Variants in FBXL15 observed in about 807,000 individuals in gnomAD.
The protein encoded by FBXL15 is F-box/LRR-repeat protein 15.
A neutral mutation model predicts 23.6 loss-of-function variants in FBXL15; 19 were observed. That is an observed-to-expected ratio of 0.81 (90% CI 0.56 to 1.18). The LOEUF (loss-of-function observed/expected upper bound fraction) is 1.18. FBXL15 is among the 50% of genes most tolerant of loss of function. The probability of loss-of-function intolerance (pLI) is 0.00; values close to 1 mark genes in which losing one functional copy is unlikely to be tolerated. For missense variants in FBXL15, 385 were observed against 425.4 expected (o/e 0.91, Z 0.83); for synonymous variants, 224 against 207.7 (o/e 1.08, Z -0.67).
At chr10:102,421,284 A>AT in intron 1 of FBXL15, 70 bp from the exon 2 acceptor site, 1 of 1,562,528 alleles carries the variant, frequency 6.4e-7, no homozygotes, top group African/African-American at 1.4e-5. Flanking sequence ...GGGCGCAGGA[A>AT]CATAACGGAG....
rs890658207 is a variant in FBXL15, at chr10:102,421,486, G to A, written c.186G>A (p.Leu62=). ...TGGTGCAGCTTCACCTGGCCGGGCT[G>A]CGTCGCTTCGATGCCGCGCAGGTGA... The part of the protein sequence containing the change: ...RSLVQLHLAG[L]RRFDAAQVGP... The change falls in exon 2 of 4, where the codon CTG becomes CTA. Residue 62 remains leucine, a synonymous_variant. Coordinates refer to ENST00000369956, the MANE Select transcript of FBXL15 (RefSeq NM_024326.4). 1.3e-6 allele frequency: 2 copies of A among 1,485,624 alleles called. No homozygotes were observed. Among genetic ancestry groups the A allele is most frequent in the Non-Finnish European group, 1.8e-6 (2 of 1,120,112 alleles). 92.0% of individuals were successfully genotyped at this position (1,485,624 alleles called of 1,614,324 possible). A position where few individuals can be genotyped will look rare whatever the true frequency, so the allele number is the denominator to read the frequency against.
In FBXL15 at chr10:102,421,478, G is replaced by A. The variant is rs932276377; in HGVS notation, c.178G>A (p.Ala60Thr). The A allele has an allele frequency of 1.3e-6, 2 of 1,499,438 alleles. No homozygotes were observed. Among genetic ancestry groups the A allele is most frequent in the African/African-American group, 2.8e-5 (2 of 71,698 alleles). The allele number at this position is 1,499,438 out of a possible 1,614,324, so 92.9% of individuals were successfully genotyped here. A position where few individuals can be genotyped will look rare whatever the true frequency, so the allele number is the denominator to read the frequency against. Residue 60 changes from alanine (A) to threonine (T), a missense_variant, in exon 2 of 4, where the codon GCC (alanine) becomes ACC (threonine). Around this residue, in one of 2 missense-constraint regions of FBXL15, gnomAD observed 130 missense variants for 95.1 expected, o/e 1.37. Coordinates refer to ENST00000369956, the MANE Select transcript of FBXL15 (RefSeq NM_024326.4). ...AFRSLVQLHL[A>T]GLRRFDAAQV... ...CCGGTCGCTGGTGCAGCTTCACCTG[G>A]CCGGGCTGCGTCGCTTCGATGCCGC...
intron 1 of FBXL15, 86 bp downstream of exon 1, chr10:102,421,268 G>C: frequency 6.4e-7 from 1 of 1,568,316 alleles, no homozygotes; most frequent in Non-Finnish European, 8.6e-7. Context: ...CCGCTCTTGG[G>C]AGCTGGGGCG....
In FBXL15 at chr10:102,422,860, A is replaced by T; in HGVS notation, c.770A>T (p.His257Leu). 6.2e-7 allele frequency: 1 copy of T among 1,611,018 alleles called. No homozygotes were observed. Among genetic ancestry groups the T allele is most frequent in the East Asian group, 2.2e-5 (1 of 44,856 alleles). The change falls in exon 4 of 4, where the codon CAT becomes CTT. Residue 257 changes from histidine to leucine, a missense_variant. By Grantham distance (99) the His-to-Leu change is moderately conservative (BLOSUM62 -3). This residue lies in a region of FBXL15 where 255 missense variants were observed against 330.2 expected (regional missense o/e 0.77). Coordinates refer to ENST00000369956, the MANE Select transcript of FBXL15 (RefSeq NM_024326.4). Reference protein sequence around the residue: ...LRSLRVRHCHHVAESSLSRLR... With the variant: ...LRSLRVRHCHLVAESSLSRLR... ...TCGCTGCGGGTGCGGCACTGCCACCATGTGGCGGAGTCCAGCCTGAGCCGC... is the reference window on the plus strand; with the variant it reads ...TCGCTGCGGGTGCGGCACTGCCACCTTGTGGCGGAGTCCAGCCTGAGCCGC...
Position 102,421,416 on chromosome 10 carries a change from G to C in FBXL15, c.116G>C (p.Arg39Pro). The stretch of plus-strand genomic sequence containing the variant: ...CACGTCCTGAACCGGGTCCCGCTGC[G>C]CCAGCTGCTCCGGCTGCAGCGCGTT... ...LPHVLNRVPL[R>P]QLLRLQRVSR... Residue 39 changes from arginine (R) to proline (P), a missense_variant, in exon 2 of 4, where the codon CGC becomes CCC. By Grantham distance (103) the Arg-to-Pro change is moderately radical (BLOSUM62 -2). Transcript: ENST00000369956. The C allele has an allele frequency of 1.3e-6, 2 of 1,565,668 alleles. No individual in the cohort carries two copies. The highest frequency in any genetic ancestry group is 2.7e-5 in the African/African-American group (2 of 73,640).
chr10:102,421,753 C>T, intron 2 of FBXL15, 34 bp from the exon 3 acceptor site: 3 of 1,525,936 alleles, frequency 2.0e-6, no homozygotes, highest in Non-Finnish European at 2.6e-6. Flanking sequence ...GAGTGCGGGA[C>T]GGGCTGAGAG....
rs1454920105 is a variant in FBXL15, at chr10:102,421,982, T to A, written c.403T>A (p.Leu135Met). 6.3e-7 allele frequency: 1 copy of A among 1,596,476 alleles called. No individual in the cohort carries two copies. The highest frequency in any genetic ancestry group is 8.5e-7 in the Non-Finnish European group (1 of 1,177,662). Residue 135 changes from leucine to methionine, a missense_variant, in exon 3 of 4, where the codon TTG (leucine) becomes ATG (methionine). By Grantham distance (15) the Leu-to-Met change is conservative. Transcript: ENST00000369956. ...ACTGAGTCGCCGGGCGCTTGGGGCT[T>A]TGGCCGAGGGCTGCCCACGCCTGCA... ...GQLSRRALGA[L>M]AEGCPRLQRL...
intron 3 of FBXL15, among the ~76,000 whole-genome samples, chr10:102,422,586 T>TC (rs557959242): frequency 5.4e-4 from 82 of 152,162 alleles, no homozygotes; most frequent in African/African-American, 2.0e-3. Context: ...AGGGCCAGGT[T>TC]CCCCCCTTAA....
intron 2 of FBXL15, 26 bp from the exon 3 acceptor site, chr10:102,421,761 G>A: frequency 6.5e-7 from 1 of 1,532,870 alleles, no homozygotes; most frequent in Non-Finnish European, 8.7e-7. Flanking sequence ...GACGGGCTGA[G>A]AGTTGGGGTG....
chr10:102,421,084 A>G lies in FBXL15; in HGVS notation c.-46A>G, dbSNP rs1262943309. The G allele has an allele frequency of 6.3e-7, 1 of 1,579,590 alleles. No homozygotes were observed. Among genetic ancestry groups the G allele is most frequent in the Non-Finnish European group, 8.6e-7 (1 of 1,161,818 alleles). On this transcript the variant is annotated 5_prime_UTR_variant, in exon 1 of 4. Coordinates refer to ENST00000369956, the MANE Select transcript of FBXL15 (RefSeq NM_024326.4). The stretch of plus-strand genomic sequence containing the variant: ...AGGCGGGTTTGGTGCGGCCACTCCA[A>G]GGCCAAAGCGAGAAAATCTTACTGC...
At position 102,422,028 on chromosome 10, in the gene FBXL15, G is replaced by T; in HGVS notation, c.449G>T (p.Cys150Phe). ...PRLQRLSLAHCDWVDGLALRG... is the reference protein window; with the variant it reads ...PRLQRLSLAHFDWVDGLALRG... ...CTGCAGCGCCTGTCGCTCGCGCACT[G>T]TGACTGGGTGGACGGGCTGGCGCTG... The change falls in exon 3 of 4, where the codon TGT (cysteine) becomes TTT (phenylalanine). Residue 150 changes from cysteine to phenylalanine, a missense_variant. By Grantham distance (205) the Cys-to-Phe change is radical. Around this residue, in one of 2 missense-constraint regions of FBXL15, gnomAD observed 255 missense variants for 330.2 expected, o/e 0.77. Coordinates refer to ENST00000369956, the MANE Select transcript of FBXL15 (RefSeq NM_024326.4). The T allele has an allele frequency of 6.3e-7, 1 of 1,595,810 alleles. No individual in the cohort carries two copies.
rs868181945 is a variant in FBXL15 at position 102,422,976 on chromosome 10, G to A, written c.886G>A (p.Val296Ile). The change falls in exon 4 of 4, where the codon GTC (valine) becomes ATC (isoleucine). Residue 296 changes from valine to isoleucine, a missense_variant. Val to Ile is a conservative substitution (Grantham distance 29). Coordinates refer to ENST00000369956, the MANE Select transcript of FBXL15 (RefSeq NM_024326.4). ...LQDMAGFAPF[V>I]NLQV The stretch of plus-strand genomic sequence containing the variant: ...GGATATGGCGGGCTTCGCACCTTTT[G>A]TCAACCTGCAGGTCTGACCCGCCTG... 1.9e-6 allele frequency: 3 copies of A among 1,562,840 alleles called. No individual in the cohort carries two copies. In the East Asian group the frequency reaches 7.1e-5, roughly 37 times the overall value.
chr10:102,422,179 G>A lies in FBXL15; in HGVS notation c.600G>A (p.Leu200=). The change falls in exon 3 of 4, where the codon CTG becomes CTA. Residue 200 remains leucine (L), a synonymous_variant. Coordinates refer to ENST00000369956, the MANE Select transcript of FBXL15 (RefSeq NM_024326.4). The part of the protein sequence containing the change: ...RRGAGLRSLS[L]AVNANVGDAA... Reference sequence around the variant, plus strand: ...GCGCTGGTCTCCGCAGCCTCTCTCTGGCCGTCAACGCCAACGTGGGGGACG... The same window carrying A: ...GCGCTGGTCTCCGCAGCCTCTCTCTAGCCGTCAACGCCAACGTGGGGGACG... The A allele has an allele frequency of 1.3e-6, 2 of 1,541,012 alleles. No individual in the cohort carries two copies. Among genetic ancestry groups the A allele is most frequent in the Non-Finnish European group, 1.8e-6 (2 of 1,142,544 alleles).
chr10:102,422,748 C>G, intron 3 of FBXL15, 56 bp from the exon 4 acceptor site: 1 of 1,524,996 alleles, frequency 6.6e-7, no homozygotes, highest in Non-Finnish European at 8.8e-7. Context: ...CTCCACCTTA[C>G]CCCACCAAAG....
intron 3 of FBXL15, 25 bp downstream of exon 3, chr10:102,422,317 G>A: frequency 6.7e-7 from 1 of 1,489,514 alleles, no homozygotes; most frequent in Non-Finnish European, 8.9e-7. Flanking sequence ...TAGGGCGGGA[G>A]GAGGGCAGTC....
In FBXL15 at chr10:102,422,272, C is replaced by T; in HGVS notation, c.693C>T (p.Arg231=). Residue 231 remains arginine, a synonymous_variant, in exon 3 of 4, where the codon CGC becomes CGT. Coordinates refer to ENST00000369956, the MANE Select transcript of FBXL15 (RefSeq NM_024326.4). Reference sequence around the variant, plus strand: ...ACCTTGACCTCACCGGCTGCCTCCGCGTCGGAAGCGACGGTGTCAGGTGCC... The same window carrying T: ...ACCTTGACCTCACCGGCTGCCTCCGTGTCGGAAGCGACGGTGTCAGGTGCC... ...LHHLDLTGCL[R]VGSDGVRTLA... is the part of the protein sequence containing the mutation. 9 of 1,494,264 alleles carry T rather than the reference C, an allele frequency of 6.0e-6. No individual in the cohort carries two copies. Among genetic ancestry groups the T allele is most frequent in the Non-Finnish European group, 8.0e-6 (9 of 1,122,650 alleles). 92.6% of individuals were successfully genotyped at this position (1,494,264 alleles called of 1,614,324 possible).
In FBXL15 at chr10:102,421,283, A is replaced by G. The variant is rs1221975091; in HGVS notation, c.54-71A>G. The G allele has an allele frequency of 3.2e-6, 5 of 1,561,824 alleles. No individual in the cohort carries two copies. In the East Asian group the frequency reaches 9.2e-5, roughly 29 times the overall value. On this transcript the variant is annotated intron_variant, in intron 1 of 3. Coordinates refer to ENST00000369956, the MANE Select transcript of FBXL15 (RefSeq NM_024326.4). ...CCGCTCTTGGGAGCTGGGGCGCAGG[A>G]ACATAACGGAGGCGGACTCGCAGGT...
In FBXL15 at chr10:102,420,986, C is replaced by T; in HGVS notation, c.-144C>T. ...TGTTCCGCCTCCGTTTCGGGGTCCACCCGAAAAGCTTTCAGATCGGATCCT... is the reference window on the plus strand; with the variant it reads ...TGTTCCGCCTCCGTTTCGGGGTCCATCCGAAAAGCTTTCAGATCGGATCCT... On this transcript the variant is annotated 5_prime_UTR_variant, in exon 1 of 4. Coordinates refer to ENST00000369956, the MANE Select transcript of FBXL15 (RefSeq NM_024326.4). The T allele has an allele frequency of 6.5e-7, 1 of 1,532,814 alleles. No homozygotes were observed. The highest frequency in any genetic ancestry group is 8.8e-7 in the Non-Finnish European group (1 of 1,137,260). The allele number at this position is 1,532,814 out of a possible 1,614,324, so 95.0% of individuals were successfully genotyped here. A position where few individuals can be genotyped will look rare whatever the true frequency, so the allele number is the denominator to read the frequency against.
rs942896529 is a variant in FBXL15 at position 102,423,065 on chromosome 10, T to C, written c.*72T>C. On this transcript the variant is annotated 3_prime_UTR_variant, in exon 4 of 4. Coordinates refer to ENST00000369956, the MANE Select transcript of FBXL15 (RefSeq NM_024326.4). The surrounding 1 kb of genome is among the most constrained non-coding windows in gnomAD (Gnocchi z 5.6). ...ACACTGAGCTGTAGGGAAACTGAACTGTGAGGACCTCTGGTGAGAGGCCAG... is the reference window on the plus strand; with the variant it reads ...ACACTGAGCTGTAGGGAAACTGAACCGTGAGGACCTCTGGTGAGAGGCCAG... The C allele has an allele frequency of 4.2e-6, 6 of 1,426,304 alleles. No homozygotes were observed. Among genetic ancestry groups the C allele is most frequent in the Admixed American group, 2.5e-5 (1 of 39,252 alleles). The allele number at this position is 1,426,304 out of a possible 1,614,324, so 88.4% of individuals were successfully genotyped here. A position where few individuals can be genotyped will look rare whatever the true frequency, so the allele number is the denominator to read the frequency against.
Sources: gnomAD v4.1 joint callset for allele counts (sites outside exome capture counted in the v4.1 genomes callset) on GRCh38, gnomAD v4.1.1 for gene constraint, gnomAD v4.1.1 regional missense constraint, Gnocchi (gnomAD v3.1) non-coding constraint, MANE v1.5 for transcripts, NCBI Gene and HGNC (gene_info 2026-07-23, HGNC 2026-07-21) for gene names.